DTWD2: variants seen among roughly 807,000 people sequenced by gnomAD.
DTWD2 encodes the protein tRNA-uridine aminocarboxypropyltransferase 2.
In DTWD2, 39 loss-of-function variants were observed where a neutral mutation model predicts 31.8. The ratio of observed to expected loss-of-function variants is 1.22; its 90% CI spans 0.95 to 1.60. DTWD2 has a LOEUF of 1.60. Among genes scored for constraint, DTWD2 ranks in the 40% most tolerant of loss-of-function variants. DTWD2 has a pLI of 0.00. For synonymous variants in DTWD2, 180 were observed against 142.8 expected (o/e 1.26, Z -1.86); for missense variants, 515 against 381.5 (o/e 1.35, Z -2.92).
At chr5:118,843,782 G>C (rs1433423660) in intron 5 of DTWD2, among the ~76,000 whole-genome samples, 1 of 152,210 alleles carries the variant, frequency 6.6e-6, no homozygotes, top group Non-Finnish European at 1.5e-5. Context: ...ATCTGGATTA[G>C]ATCCCTACTC....
rs544268130 is a variant in DTWD2 at position 118,912,601 on chromosome 5, G to A, written c.597+15936C>T. On this transcript the variant is annotated intron_variant, in intron 4 of 5. Coordinates refer to ENST00000510708, the MANE Select transcript of DTWD2 (RefSeq NM_173666.4). The stretch of plus-strand genomic sequence containing the variant: ...GGAATGTTTTCCTCAATTTTTTCAT[G>A]GCTAATTCTGCCTCATCTTTCAAGA... 5.9e-5 allele frequency among the ~76,000 whole-genome samples: 9 copies of A among 152,228 alleles called. No homozygotes were observed. In the East Asian group the frequency reaches 1.7e-3, roughly 29 times the overall value.
rs746501196 is a variant in DTWD2 at position 118,967,294 on chromosome 5, GA to G, written c.218+20999del. On this transcript the variant is annotated intron_variant, in intron 1 of 5. Coordinates refer to ENST00000510708, the MANE Select transcript of DTWD2 (RefSeq NM_173666.4). Reference sequence around the variant, plus strand: ...AAGTGTAGGTGTACATATAGATTTAGAAATAGATATAGGTATATGCATGGGT... The same window carrying G: ...AAGTGTAGGTGTACATATAGATTTAGAATAGATATAGGTATATGCATGGGT... Among the ~76,000 whole-genome samples, 77 of 152,262 alleles carry G rather than the reference GA, an allele frequency of 5.1e-4. 1 individual carries two copies. Among genetic ancestry groups the G allele is most frequent in the Admixed American group, 1.2e-3 (18 of 15,278 alleles).
chr5:118,967,908 A>G (rs982482317), intron 1 of DTWD2, among the ~76,000 whole-genome samples: 2 of 152,214 alleles, frequency 1.3e-5, no homozygotes, highest in South Asian at 2.1e-4. Flanking sequence ...CCTCCCCAAG[A>G]TATTTATTAA....
intron 1 of DTWD2, chr5:118,974,519 T>C (rs941910612): frequency 8.8e-6 from 4 of 454,150 alleles, no homozygotes; most frequent in South Asian, 5.2e-5. Context: ...GGTGTGACCA[T>C]GTTCATTATA....
At chr5:118,937,377 T>C (rs1005829446) in intron 3 of DTWD2, among the ~76,000 whole-genome samples, 1 of 74,918 alleles carries the variant, frequency 1.3e-5, no homozygotes, top group Non-Finnish European at 2.6e-5. Context: ...TTATATGTTA[T>C]CACTGCAAAA....
intron 4 of DTWD2, among the ~76,000 whole-genome samples, chr5:118,920,823 G>A (rs1753686517): frequency 6.6e-6 from 1 of 151,988 alleles, no homozygotes; most frequent in Non-Finnish European, 1.5e-5. Flanking sequence ...AAAGTAAATG[G>A]GGAGCGTTCT....
At chr5:118,906,621 T>A (rs969229003) in intron 4 of DTWD2, among the ~76,000 whole-genome samples, 2 of 152,196 alleles carry the variant, frequency 1.3e-5, no homozygotes, top group African/African-American at 4.8e-5. Context: ...TATATTTATA[T>A]AAAATTCCAT....
chr5:118,978,478 C>T (rs763837593), intron 1 of DTWD2, among the ~76,000 whole-genome samples: 7 of 152,194 alleles, frequency 4.6e-5, no homozygotes, highest in African/African-American at 7.2e-5. Context: ...ATCTACCCAT[C>T]TGACAAAGGT....
intron 4 of DTWD2, among the ~76,000 whole-genome samples, chr5:118,908,641 AC>A (rs1195587332): frequency 6.9e-6 from 1 of 144,386 alleles, no homozygotes. Context: ...TGCATCCCAC[AC>A]CCACCACCAC....
chr5:118,840,825 A>G lies in DTWD2; in HGVS notation c.*92T>C. The G allele has an allele frequency of 7.4e-7, 1 of 1,346,070 alleles. No individual in the cohort carries two copies. The highest frequency in any genetic ancestry group is 9.9e-7 in the Non-Finnish European group (1 of 1,013,132). The allele number at this position is 1,346,070 out of a possible 1,614,324, so 83.4% of individuals were successfully genotyped here. Reference sequence around the variant, plus strand: ...TAGTATGCAATTCTCCTTCTTTAGCAAGTCAAAAACCTACAGACCTTAACT... The same window carrying G: ...TAGTATGCAATTCTCCTTCTTTAGCGAGTCAAAAACCTACAGACCTTAACT... On this transcript the variant is annotated 3_prime_UTR_variant, in exon 6 of 6. Coordinates refer to ENST00000510708, the MANE Select transcript of DTWD2 (RefSeq NM_173666.4).
intron 4 of DTWD2, among the ~76,000 whole-genome samples, chr5:118,855,368 G>A (rs780166306): frequency 2.6e-5 from 4 of 151,034 alleles, no homozygotes; most frequent in Admixed American, 6.6e-5. Context: ...TTATCGCACA[G>A]CTTTTAAAAT....
rs536516746 is a variant in DTWD2 at position 118,934,873 on chromosome 5, G to C, written c.404+4323C>G. ...CTTTAAGACAAAGAGTATTACCAGA[G>C]ATAAAGAAAGACATTTGTGATATTG... On this transcript the variant is annotated intron_variant, in intron 3 of 5. Transcript: ENST00000510708. 3.9e-5 allele frequency among the ~76,000 whole-genome samples: 6 copies of C among 152,284 alleles called. No homozygotes were observed. In the East Asian group the frequency reaches 1.2e-3, roughly 29 times the overall value.
intron 1 of DTWD2, among the ~76,000 whole-genome samples, chr5:118,981,216 A>G (rs1755292108): frequency 1.3e-5 from 2 of 152,330 alleles, no homozygotes; most frequent in South Asian, 4.1e-4. Flanking sequence ...TTACAGTGTA[A>G]TGGACAGAGT....
chr5:118,933,264 C>A (rs975869973), intron 3 of DTWD2, among the ~76,000 whole-genome samples: 3 of 152,152 alleles, frequency 2.0e-5, no homozygotes, highest in African/African-American at 7.2e-5. Context: ...CAATTCTCCA[C>A]AATCTCTTCC....
At chr5:118,851,218 C>CAA (rs35541408) in intron 4 of DTWD2, among the ~76,000 whole-genome samples, 2,152 of 81,832 alleles carry the variant, frequency 0.026, 70 homozygotes, top group African/African-American at 0.095. Flanking sequence ...GACCCTATCT[C>CAA]AAAAAAAAAA....
chr5:118,851,389 C>T (rs946861413), intron 4 of DTWD2, among the ~76,000 whole-genome samples: 2 of 151,886 alleles, frequency 1.3e-5, no homozygotes, highest in Non-Finnish European at 1.5e-5. Context: ...CATCACATAT[C>T]GGTAGGACCG....
intron 4 of DTWD2, among the ~76,000 whole-genome samples, chr5:118,891,576 T>A (rs1329106347): frequency 6.6e-6 from 1 of 152,198 alleles, no homozygotes; most frequent in Non-Finnish European, 1.5e-5. Flanking sequence ...TCTGAAAGAA[T>A]GCAAGCAATT....
At chr5:118,972,997 C>CT (rs976661562) in intron 1 of DTWD2, among the ~76,000 whole-genome samples, 36 of 150,042 alleles carry the variant, frequency 2.4e-4, no homozygotes, top group Middle Eastern at 3.4e-3. Flanking sequence ...CCTTCTTTGT[C>CT]TTTTTTTTAT....
At chr5:118,874,130 C>T (rs1752569597) in intron 4 of DTWD2, among the ~76,000 whole-genome samples, 2 of 152,178 alleles carry the variant, frequency 1.3e-5, no homozygotes, top group South Asian at 4.1e-4. Flanking sequence ...AACCAGTCGA[C>T]TGAATCCACC....
Sources: gnomAD v4.1 joint callset for allele counts (sites outside exome capture counted in the v4.1 genomes callset) on GRCh38, gnomAD v4.1.1 for gene constraint, MANE v1.5 for transcripts, NCBI Gene and HGNC (gene_info 2026-07-23, HGNC 2026-07-21) for gene names.